GRM1: variants seen among roughly 807,000 people sequenced by gnomAD.
GRM1 encodes metabotropic glutamate receptor 1.
GRM1 carries 33 observed loss-of-function variants against 90.9 expected under a neutral mutation model. The observed-to-expected ratio is 0.36, with a 90% CI of 0.28 to 0.49. The LOEUF is 0.49. Among genes scored for constraint, GRM1 ranks in the 20% least tolerant of loss-of-function variants. The probability of loss-of-function intolerance (pLI) is 0.99; values close to 1 mark genes in which losing one functional copy is unlikely to be tolerated. For synonymous variants in GRM1, 700 were observed against 613.2 expected, an observed-to-expected ratio of 1.14 and a Z score of -2.09; for missense variants, 1,190 against 1,534.3, an observed-to-expected ratio of 0.78 and a Z score of 3.75.
chr6:146,098,656 C>T (rs916027563), intron 1 of GRM1, among the ~76,000 whole-genome samples: 2 of 151,832 alleles, frequency 1.3e-5, no homozygotes, highest in African/African-American at 2.4e-5. Context: ...AACCAAGTCT[C>T]ATCCTGAATT....
At chr6:146,237,063 A>C (rs1246283312) in intron 2 of GRM1, among the ~76,000 whole-genome samples, 1 of 152,158 alleles carries the variant, frequency 6.6e-6, no homozygotes, top group Admixed American at 6.6e-5. Context: ...GCCTTGGCTC[A>C]TCAGAGGCTA....
At chr6:146,108,793 A>G (rs796747593) in intron 1 of GRM1, among the ~76,000 whole-genome samples, 12 of 152,342 alleles carry the variant, frequency 7.9e-5, no homozygotes, top group African/African-American at 2.4e-4. Context: ...CAAAATGCTA[A>G]TAATGATATG....
At chr6:146,164,003 G>A (rs1483199927) in intron 2 of GRM1, among the ~76,000 whole-genome samples, 2 of 152,062 alleles carry the variant, frequency 1.3e-5, no homozygotes, top group Non-Finnish European at 2.9e-5. Flanking sequence ...AACTTGGAAT[G>A]AGTGCTATTT....
intron 6 of GRM1, among the ~76,000 whole-genome samples, chr6:146,396,074 A>ATCTATCTG (rs1776916634): frequency 1.4e-5 from 2 of 145,196 alleles, no homozygotes; most frequent in African/African-American, 2.6e-5. Context: ...TCCATCATCT[A>ATCTATCTG]TCTATCTATC....
intron 2 of GRM1, among the ~76,000 whole-genome samples, chr6:146,251,215 T>A (rs1282241854): frequency 6.6e-6 from 1 of 152,186 alleles, no homozygotes; most frequent in Non-Finnish European, 1.5e-5. Context: ...AACTCCCTTC[T>A]TTGGTCCTCT....
intron 2 of GRM1, among the ~76,000 whole-genome samples, chr6:146,245,692 T>A (rs969640600): frequency 7.2e-5 from 11 of 152,220 alleles, no homozygotes; most frequent in African/African-American, 2.7e-4. Context: ...TCAAGATTAA[T>A]GCTCATATGA....
intron 5 of GRM1, among the ~76,000 whole-genome samples, chr6:146,372,709 A>T (rs1206462394): frequency 1.3e-5 from 2 of 152,056 alleles, no homozygotes; most frequent in Admixed American, 6.6e-5. Context: ...CCATTTATTA[A>T]AGATGATGTC....
At chr6:146,169,392 T>G (rs1419607539) in intron 2 of GRM1, among the ~76,000 whole-genome samples, 2 of 152,192 alleles carry the variant, frequency 1.3e-5, no homozygotes, top group Non-Finnish European at 2.9e-5. Context: ...GGCTTTCCAC[T>G]GCAGTTTATG....
In GRM1 at chr6:146,080,233, A is replaced by C. The variant is rs191129115; in HGVS notation, c.700+50016A>C. Among the ~76,000 whole-genome samples the C allele has an allele frequency of 3.5e-3, 529 of 152,302 alleles. 3 individuals are homozygous for C. The highest frequency in any genetic ancestry group is 0.012 in the African/African-American group (510 of 41,562). On this transcript the variant is annotated intron_variant, in intron 1 of 7. Transcript: ENST00000282753. ...CAATTAAGTTTACCTACCATGTTAG[A>C]ATTGTGAATGTAAGAATTTTATGTA...
chr6:146,430,455 G>A (rs1440605047), intron 7 of GRM1, among the ~76,000 whole-genome samples: 5 of 152,064 alleles, frequency 3.3e-5, no homozygotes, highest in Admixed American at 6.6e-5. Context: ...TTTTGAAGTC[G>A]GAGCAAAAGG....
chr6:146,429,401 G>C (rs1224145892), intron 7 of GRM1, among the ~76,000 whole-genome samples: 1 of 152,168 alleles, frequency 6.6e-6, no homozygotes, highest in Non-Finnish European at 1.5e-5. Context: ...TTTCTGGAAG[G>C]CTTTCAAGAA....
intron 2 of GRM1, among the ~76,000 whole-genome samples, chr6:146,245,381 G>T (rs980793286): frequency 7.9e-5 from 12 of 152,154 alleles, no homozygotes; most frequent in African/African-American, 2.9e-4. Context: ...CATTAGGCAT[G>T]AAATTGATGT....
intron 2 of GRM1, among the ~76,000 whole-genome samples, chr6:146,192,389 A>G (rs1778961565): frequency 6.6e-6 from 1 of 152,228 alleles, no homozygotes; most frequent in Non-Finnish European, 1.5e-5. Context: ...CAGCTGGGTC[A>G]GAATTCTGGT....
intron 1 of GRM1, among the ~76,000 whole-genome samples, chr6:146,037,193 G>A (rs1224177177): frequency 1.3e-5 from 2 of 151,898 alleles, no homozygotes; most frequent in Non-Finnish European, 2.9e-5. Context: ...TGCCACCAAA[G>A]CGATGACTTC....
rs199962395 is a variant in GRM1 at position 146,202,422 on chromosome 6, GT to G, written c.950+42827del. Among the ~76,000 whole-genome samples, 508 of 152,272 alleles carry G rather than the reference GT, an allele frequency of 3.3e-3. 4 individuals carry two copies. The highest frequency in any genetic ancestry group is 0.011 in the African/African-American group (477 of 41,558). On this transcript the variant is annotated intron_variant, in intron 2 of 7. Coordinates refer to ENST00000282753, the MANE Select transcript of GRM1 (RefSeq NM_001278064.2). The stretch of plus-strand genomic sequence containing the variant: ...GCTATCATCATACCTATCTCACAGG[GT>G]TGCTCTGAAGATCACATGAGAGAAG...
chr6:146,369,555 T>A (rs1473309299), intron 5 of GRM1, among the ~76,000 whole-genome samples: 1 of 152,022 alleles, frequency 6.6e-6, no homozygotes, highest in Non-Finnish European at 1.5e-5. Context: ...TTAAATTTTC[T>A]TCTTAATTTA....
chr6:146,183,924 A>G (rs1778633335), intron 2 of GRM1, among the ~76,000 whole-genome samples: 1 of 152,318 alleles, frequency 6.6e-6, no homozygotes. Context: ...AGGAAGATGT[A>G]TCTCAGGAAC....
At chr6:146,273,178 T>C (rs1782233365) in intron 2 of GRM1, among the ~76,000 whole-genome samples, 1 of 152,196 alleles carries the variant, frequency 6.6e-6, no homozygotes, top group Admixed American at 6.5e-5. Context: ...GGTCCTCTGG[T>C]ATTTGAATTA....
chr6:146,218,938 G>A (rs1169145647), intron 2 of GRM1, among the ~76,000 whole-genome samples: 1 of 152,116 alleles, frequency 6.6e-6, no homozygotes, highest in Non-Finnish European at 1.5e-5. Flanking sequence ...GTTCTTTAGT[G>A]GAAAGATGTG....
Sources: gnomAD v4.1 joint callset for allele counts (sites outside exome capture counted in the v4.1 genomes callset) on GRCh38, gnomAD v4.1.1 for gene constraint, MANE v1.5 for transcripts, NCBI Gene and HGNC (gene_info 2026-07-23, HGNC 2026-07-21) for gene names.